USP14: variants seen among roughly 807,000 people sequenced by gnomAD.
USP14 encodes ubiquitin carboxyl-terminal hydrolase 14.
Under a neutral mutation model 76.5 loss-of-function variants are expected in USP14, and 38 were observed. The ratio of observed to expected loss-of-function variants is 0.50; its 90% CI spans 0.38 to 0.65. USP14 has a LOEUF of 0.65. Among genes scored for constraint, USP14 ranks in the 30% least tolerant of loss-of-function variants. USP14 has a pLI of 0.00. For missense variants in USP14, 467 were observed against 586.5 expected (o/e 0.80, Z 2.10); for synonymous variants, 192 against 191.7 (o/e 1.00, Z -0.01).
chr18:168,523 C>T (rs1909344317), intron 3 of USP14, among the ~76,000 whole-genome samples: 1 of 152,022 alleles, frequency 6.6e-6, no homozygotes, highest in South Asian at 2.1e-4. Flanking sequence ...CATTATTTGC[C>T]TCCTGGGTTC....
chr18:168,798 C>T (rs1464259973), intron 3 of USP14, among the ~76,000 whole-genome samples: 1 of 151,486 alleles, frequency 6.6e-6, no homozygotes, highest in Non-Finnish European at 1.5e-5. Flanking sequence ...AGTGGCCGGG[C>T]GCGGTGGCTC....
intron 13 of USP14, among the ~76,000 whole-genome samples, chr18:208,785 G>A (rs1266849719): frequency 2.0e-5 from 3 of 151,974 alleles, no homozygotes; most frequent in Non-Finnish European, 4.4e-5. Context: ...TTGCTCTGTC[G>A]CCCAGGCTGG....
intron 3 of USP14, among the ~76,000 whole-genome samples, chr18:167,934 CTTTT>C (rs34207469): frequency 1.7e-5 from 2 of 116,098 alleles, no homozygotes; most frequent in Non-Finnish European, 3.5e-5. Context: ...ATTTTTCTCT[CTTTT>C]TTTTTTTTTT....
intron 3 of USP14, among the ~76,000 whole-genome samples, chr18:170,489 G>A (rs992236293): frequency 3.9e-5 from 6 of 152,148 alleles, no homozygotes; most frequent in African/African-American, 1.4e-4. Flanking sequence ...TAACCAAGTT[G>A]TGAATACAAA....
intron 5 of USP14, 43 bp from the exon 6 acceptor site, chr18:192,799 A>G: frequency 1.3e-6 from 2 of 1,593,780 alleles, no homozygotes; most frequent in East Asian, 2.2e-5. Context: ...GAGTGTTAGA[A>G]TGAATTGAAT....
rs375687529 is a variant in USP14, at chr18:188,359, ATAGT to A, written c.405-4479_405-4476del. Among the ~76,000 whole-genome samples the A allele has an allele frequency of 2.8e-4, 42 of 152,252 alleles. No homozygotes were observed. In the South Asian group the frequency reaches 7.9e-3, roughly 29 times the overall value. On this transcript the variant is annotated intron_variant, in intron 5 of 15. Transcript: ENST00000261601. ...GATCTATTTGTGATACATTATGTTA[ATAGT>A]TAGCCTAATAGTAGACTATATTCCT...
intron 3 of USP14, among the ~76,000 whole-genome samples, chr18:169,045 C>G (rs1909362308): frequency 6.6e-6 from 1 of 150,994 alleles, no homozygotes. Context: ...CCACTGTACT[C>G]TAGCCTGGGC....
chr18:185,263 ATTC>A (rs1909897042), intron 5 of USP14, among the ~76,000 whole-genome samples: 1 of 152,016 alleles, frequency 6.6e-6, no homozygotes, highest in African/African-American at 2.4e-5. Context: ...GGCTTGAGCA[ATTC>A]TTCTGTCTCA....
intron 3 of USP14, among the ~76,000 whole-genome samples, chr18:171,707 A>G (rs1057202832): frequency 6.6e-6 from 1 of 152,222 alleles, no homozygotes; most frequent in African/African-American, 2.4e-5. Context: ...TTGTAAGGCT[A>G]AAGTTTCCCT....
intron 5 of USP14, among the ~76,000 whole-genome samples, chr18:185,685 TA>T (rs1345360002): frequency 1.3e-5 from 2 of 151,992 alleles, no homozygotes; most frequent in African/African-American, 4.8e-5. Flanking sequence ...ATTTAAAATT[TA>T]AAAAAATTTT....
intron 1 of USP14, among the ~76,000 whole-genome samples, chr18:160,158 G>C (rs1347207011): frequency 6.6e-6 from 1 of 152,106 alleles, no homozygotes; most frequent in Admixed American, 6.6e-5. Flanking sequence ...CAAAAAATCA[G>C]TCGAGAGTGG....
In USP14 at chr18:211,615, C is replaced by T. The variant is rs906185749; in HGVS notation, c.*331C>T. On this transcript the variant is annotated 3_prime_UTR_variant, in exon 16 of 16. Coordinates refer to ENST00000261601, the MANE Select transcript of USP14 (RefSeq NM_005151.4). ...CATTTTTCTTGCTGCCTTTTTCACC[C>T]AAGATTCAGCAGTCAGATGTTTACT... 5.9e-5 allele frequency: 11 copies of T among 185,670 alleles called. No homozygotes were observed. Among genetic ancestry groups the T allele is most frequent in the African/African-American group, 2.6e-4 (11 of 42,460 alleles). The allele number at this position is 185,670 out of a possible 1,614,324, so 11.5% of individuals were successfully genotyped here.
At chr18:192,800 T>C (rs369901616) in intron 5 of USP14, 42 bp from the exon 6 acceptor site, 6 of 1,594,794 alleles carry the variant, frequency 3.8e-6, no homozygotes, top group Non-Finnish European at 5.1e-6. Flanking sequence ...AGTGTTAGAA[T>C]GAATTGAATT....
At chr18:161,169 C>A (rs1909108915) in intron 1 of USP14, among the ~76,000 whole-genome samples, 1 of 152,202 alleles carries the variant, frequency 6.6e-6, no homozygotes, top group South Asian at 2.1e-4. Context: ...CTCAGGTGAT[C>A]CACCTGCCTT....
rs760405319 is a variant in USP14, at chr18:214,598, G to GTT, written c.*3317_*3318dup. ...CTGCTTGGTAACAAAATCTATCACA[G>GTT]TTTTAATAAAAAGAAAAAAAAAAGA... is the stretch of plus-strand genomic sequence containing the variant. On this transcript the variant is annotated 3_prime_UTR_variant, in exon 16 of 16. Coordinates refer to ENST00000261601, the MANE Select transcript of USP14 (RefSeq NM_005151.4). 11 of 1,569,196 alleles carry GTT rather than the reference G, an allele frequency of 7.0e-6. No individual in the cohort carries two copies. Among genetic ancestry groups the GTT allele is most frequent in the Non-Finnish European group, 9.5e-6 (11 of 1,155,640 alleles).
Position 214,010 on chromosome 18 carries a change from T to TGGA in USP14, c.*2726_*2727insGGA, listed in dbSNP as rs1910766076. 7.5e-6 allele frequency: 1 copy of TGGA among 132,502 alleles called. No homozygotes were observed. The highest frequency in any genetic ancestry group is 2.7e-5 in the African/African-American group (1 of 37,518). 8.2% of individuals were successfully genotyped at this position (132,502 alleles called of 1,614,324 possible). On this transcript the variant is annotated 3_prime_UTR_variant, in exon 16 of 16. Transcript: ENST00000261601. ...AGATAGATAGATAGATGATGATTGA[T>TGGA]TGATGATTGATAGTAAATTATTTCA...
At chr18:162,431 T>A (rs1455398953) in intron 1 of USP14, among the ~76,000 whole-genome samples, 1 of 152,200 alleles carries the variant, frequency 6.6e-6, no homozygotes, top group East Asian at 1.9e-4. Flanking sequence ...TATTTTTAAA[T>A]GATTTAGATA....
rs1312718465 is a variant in USP14, at chr18:213,980, TAGA to T, written c.*2697_*2699del. 1 of 149,250 alleles carries T rather than the reference TAGA, an allele frequency of 6.7e-6. No individual in the cohort carries two copies. Among genetic ancestry groups the T allele is most frequent in the East Asian group, 2.1e-4 (1 of 4,766 alleles). 9.2% of individuals were successfully genotyped at this position (149,250 alleles called of 1,614,324 possible). ...TAATGGACAAGATAGATAGATTAGA[TAGA>T]TAGATAGATAGATAGATGATGATTG... On this transcript the variant is annotated 3_prime_UTR_variant, in exon 16 of 16. Coordinates refer to ENST00000261601, the MANE Select transcript of USP14 (RefSeq NM_005151.4).
At chr18:169,826 G>C (rs1242443940) in intron 3 of USP14, among the ~76,000 whole-genome samples, 1 of 152,124 alleles carries the variant, frequency 6.6e-6, no homozygotes, top group African/African-American at 2.4e-5. Context: ...CTCATGTCAA[G>C]TATGTTGATC....
Sources: allele counts gnomAD v4.1 joint callset (sites outside exome capture counted in the v4.1 genomes callset), GRCh38; gene constraint gnomAD v4.1.1; transcripts MANE v1.5; gene names NCBI Gene and HGNC (gene_info 2026-07-23, HGNC 2026-07-21).